The following SKI variants were observed in gnomAD, a reference collection of about 807,000 sequenced individuals.
SKI encodes the protein ski oncogene.
Under a neutral mutation model 59.3 loss-of-function variants are expected in SKI, and 23 were observed. That is an observed-to-expected ratio of 0.39 (90% CI 0.28 to 0.55). The LOEUF is 0.55. SKI is among the 20% of genes least tolerant of loss of function. The pLI is 0.67. For synonymous variants in SKI, 673 were observed against 488.6 expected (o/e 1.38, Z -4.98); for missense variants, 1,017 against 1,038.9 (o/e 0.98, Z 0.29).
chr1:2,254,982 T>A (rs945733116), intron 1 of SKI, among the ~76,000 whole-genome samples: 4 of 152,184 alleles, frequency 2.6e-5, no homozygotes, highest in Non-Finnish European at 5.9e-5. Context: ...CAGTGTCACC[T>A]CTGTGTCCTG....
intron 1 of SKI, among the ~76,000 whole-genome samples, chr1:2,246,258 T>C (rs1179705753): frequency 6.6e-6 from 1 of 152,158 alleles, no homozygotes; most frequent in Non-Finnish European, 1.5e-5. Flanking sequence ...CTCATTGTGG[T>C]TTTGGTTCTC....
In SKI at chr1:2,303,969, C is replaced by G. The variant is rs1263236852; in HGVS notation, c.1341C>G (p.Ala447=). The G allele has an allele frequency of 1.2e-6, 2 of 1,612,272 alleles. No homozygotes were observed. Among genetic ancestry groups the G allele is most frequent in the African/African-American group, 2.7e-5 (2 of 74,930 alleles). The part of the protein sequence containing the change: ...AAVSRAPEPL[A]TCTQPRKRKL... ...TCTCCCGGGCCCCCGAGCCTCTCGC[C>G]ACTTGCACCCAGCCTCGGAAGCGGA... The change falls in exon 4 of 7, where the codon GCC becomes GCG. Residue 447 remains alanine, a synonymous_variant. Coordinates refer to ENST00000378536, the MANE Select transcript of SKI (RefSeq NM_003036.4). The surrounding 1 kb of genome is among the most constrained non-coding windows in gnomAD (Gnocchi z 5.6).
rs756571135 is a variant in SKI at position 2,229,644 on chromosome 1, G to T, written c.878G>T (p.Gly293Val). Residue 293 changes from glycine (G) to valine (V), a missense_variant, in exon 1 of 7, where the codon GGC (glycine) becomes GTC (valine). Physicochemically the swap from Gly to Val is moderately radical, Grantham distance 109. Transcript: ENST00000378536. This position sits in a 1 kb window ranked among gnomAD's most constrained non-coding sequence, Gnocchi z 6.3. ...ATCCTGCTGAGCCAGGATTACACGGGCAAGGAGGAGCAGGCGCGCCTCGGC... is the reference window on the plus strand; with the variant it reads ...ATCCTGCTGAGCCAGGATTACACGGTCAAGGAGGAGCAGGCGCGCCTCGGC... ...AYILLSQDYT[G>V]KEEQARLGRC... 6.2e-7 allele frequency: 1 copy of T among 1,612,118 alleles called. No homozygotes were observed. The highest frequency in any genetic ancestry group is 8.5e-7 in the Non-Finnish European group (1 of 1,179,694).
intron 1 of SKI, among the ~76,000 whole-genome samples, chr1:2,301,859 GTGGCCTGTTCTGCAT>G (rs940500542): frequency 1.3e-5 from 2 of 152,258 alleles, no homozygotes; most frequent in Admixed American, 6.5e-5. Context: ...CTTGCCCTGT[GTGGCCTGTTCTGCAT>G]TGGCCTGTGG....
intron 1 of SKI, among the ~76,000 whole-genome samples, chr1:2,265,239 C>T (rs563059185): frequency 8.0e-4 from 122 of 152,304 alleles, no homozygotes; most frequent in Non-Finnish European, 1.4e-3. Flanking sequence ...GTGTCTCCTG[C>T]GTCCCTCCTC....
rs1639875247 is a variant in SKI at position 2,281,134 on chromosome 1, A to AGG, written c.970-21844_970-21843insGG. On this transcript the variant is annotated intron_variant, in intron 1 of 6. Coordinates refer to ENST00000378536, the MANE Select transcript of SKI (RefSeq NM_003036.4). ...GATCTTCAGAGAGAGGATGCCCGAG[A>AGG]AGACAGGCGGTGGCGGAGATCTTCA... Among the ~76,000 whole-genome samples the AGG allele has an allele frequency of 2.3e-5, 2 of 87,996 alleles. 1 individual carries two copies. Among genetic ancestry groups the AGG allele is most frequent in the Non-Finnish European group, 4.6e-5 (2 of 43,076 alleles). The allele number at this position is 87,996 out of a possible 152,430, so 57.7% of individuals were successfully genotyped here. A position where few individuals can be genotyped will look rare whatever the true frequency, so the allele number is the denominator to read the frequency against.
At chr1:2,235,498 G>A (rs979989800) in intron 1 of SKI, among the ~76,000 whole-genome samples, 2 of 152,244 alleles carry the variant, frequency 1.3e-5, no homozygotes, top group Non-Finnish European at 2.9e-5. Flanking sequence ...CACCCCGGGG[G>A]CTGGGGGGCA....
chr1:2,305,942 G>A lies in SKI; in HGVS notation c.1768-78G>A, dbSNP rs570225246. 7.6e-5 allele frequency: 85 copies of A among 1,118,912 alleles called. 1 individual carries two copies. The East Asian group carries it at 2.2e-3, about 29-fold the overall frequency. The allele number at this position is 1,118,912 out of a possible 1,614,324, so 69.3% of individuals were successfully genotyped here. A position where few individuals can be genotyped will look rare whatever the true frequency, so the allele number is the denominator to read the frequency against. ...GTCAGATAGATGACCCCACGGGGTG[G>A]GCTGAGGACTGCTGGTCATGGTGAG... is the stretch of plus-strand genomic sequence containing the variant. On this transcript the variant is annotated intron_variant, in intron 5 of 6. Transcript: ENST00000378536.
rs369496789 is a variant in SKI, at chr1:2,306,568, C to T, written c.1999-9C>T. ...AGCAGGCGCCGCTGACCACTCGGCTCCCTTTCAGATCGAAGACCTGCAGGT... is the reference window on the plus strand; with the variant it reads ...AGCAGGCGCCGCTGACCACTCGGCTTCCTTTCAGATCGAAGACCTGCAGGT... On this transcript the variant is annotated splice_polypyrimidine_tract_variant and intron_variant, in intron 6 of 6. Coordinates refer to ENST00000378536, the MANE Select transcript of SKI (RefSeq NM_003036.4). The T allele has an allele frequency of 1.4e-5, 22 of 1,540,836 alleles. No homozygotes were observed. Among genetic ancestry groups the T allele is most frequent in the Non-Finnish European group, 1.7e-5 (19 of 1,145,240 alleles).
Position 2,228,826 on chromosome 1 carries a change from G to C in SKI, c.60G>C (p.Thr20=). The C allele has an allele frequency of 7.2e-7, 1 of 1,392,150 alleles. No homozygotes were observed. The highest frequency in any genetic ancestry group is 9.4e-7 in the Non-Finnish European group (1 of 1,064,832). The allele number at this position is 1,392,150 out of a possible 1,614,324, so 86.2% of individuals were successfully genotyped here. ...CFQPHPGLQK[T]LEQFHLSSMS... ...AGCCGCACCCGGGGCTGCAGAAGAC[G>C]CTGGAGCAGTTCCACCTGAGCTCCA... is the stretch of plus-strand genomic sequence containing the variant. Residue 20 remains threonine (T), a synonymous_variant, in exon 1 of 7, where the codon ACG becomes ACC. Transcript: ENST00000378536.
rs1300367711 is a variant in SKI at position 2,285,597 on chromosome 1, C to T, written c.970-17381C>T. Among the ~76,000 whole-genome samples, 3 of 149,248 alleles carry T rather than the reference C, an allele frequency of 2.0e-5. 1 individual carries two copies. Among genetic ancestry groups the T allele is most frequent in the Non-Finnish European group, 4.4e-5 (3 of 67,552 alleles). ...GTTTTTTTTTTGAGACGGAATCTTGCTCTGTCACCCAGGCTGGAGTGCAGT... is the reference window on the plus strand; with the variant it reads ...GTTTTTTTTTTGAGACGGAATCTTGTTCTGTCACCCAGGCTGGAGTGCAGT... On this transcript the variant is annotated intron_variant, in intron 1 of 6. Coordinates refer to ENST00000378536, the MANE Select transcript of SKI (RefSeq NM_003036.4).
intron 1 of SKI, among the ~76,000 whole-genome samples, chr1:2,257,021 C>T (rs904840440): frequency 6.6e-6 from 1 of 152,358 alleles, no homozygotes; most frequent in East Asian, 1.9e-4. Flanking sequence ...CCCTGCTGTT[C>T]CCTTGTGGCT....
intron 4 of SKI, 60 bp downstream of exon 4, chr1:2,304,162 A>AG (rs1410540369): frequency 3.7e-6 from 6 of 1,601,932 alleles, no homozygotes; most frequent in Middle Eastern, 1.8e-4. Flanking sequence ...GCACTGGCTG[A>AG]GGGGGGCTGG....
chr1:2,254,375 A>G (rs1265540867), intron 1 of SKI, among the ~76,000 whole-genome samples: 2 of 152,136 alleles, frequency 1.3e-5, no homozygotes, highest in Middle Eastern at 3.2e-3. Context: ...ACTCTGCTGC[A>G]CTGAGATCTC....
chr1:2,232,129 C>T (rs263533), intron 1 of SKI, among the ~76,000 whole-genome samples: 60,236 of 152,186 alleles, frequency 0.4, 12,440 homozygotes, highest in East Asian at 0.58. Flanking sequence ...TCCTCCCACT[C>T]GTGTCTTGAC....
At chr1:2,286,693 C>T (rs377351287) in intron 1 of SKI, among the ~76,000 whole-genome samples, 6 of 152,366 alleles carry the variant, frequency 3.9e-5, no homozygotes, top group South Asian at 2.1e-4. Flanking sequence ...ACGCAGCTCT[C>T]GCTCTGAGTG....
chr1:2,243,457 G>A (rs974909351), intron 1 of SKI, among the ~76,000 whole-genome samples: 2 of 152,234 alleles, frequency 1.3e-5, no homozygotes, highest in African/African-American at 4.8e-5. Context: ...TGGTCTGCGC[G>A]TGTGCTCTCC....
intron 1 of SKI, among the ~76,000 whole-genome samples, chr1:2,230,542 C>T (rs1422920194): frequency 6.6e-6 from 1 of 152,204 alleles, no homozygotes; most frequent in Non-Finnish European, 1.5e-5. Flanking sequence ...CCTTCTCTCC[C>T]TCTGAAACGC....
chr1:2,264,920 C>T (rs1013040965), intron 1 of SKI, among the ~76,000 whole-genome samples: 32 of 152,180 alleles, frequency 2.1e-4, no homozygotes, highest in African/African-American at 7.5e-4. Context: ...AAGTGATTCT[C>T]ATGCCTCAGC....
Sources: gnomAD v4.1 joint callset for allele counts (sites outside exome capture counted in the v4.1 genomes callset) on GRCh38, gnomAD v4.1.1 for gene constraint, Gnocchi (gnomAD v3.1) non-coding constraint, MANE v1.5 for transcripts, NCBI Gene and HGNC (gene_info 2026-07-23, HGNC 2026-07-21) for gene names.